IRF3: variants seen among roughly 807,000 people sequenced by gnomAD.
IRF3 encodes the protein interferon regulatory factor 3.
Under a neutral mutation model 43.2 loss-of-function variants are expected in IRF3, and 29 were observed. The ratio of observed to expected loss-of-function variants is 0.67; its 90% confidence interval spans 0.50 to 0.91. The LOEUF is 0.91. Ranked by LOEUF, IRF3 falls within the 40% of genes least tolerant of loss-of-function variation. The pLI, the probability that IRF3 is intolerant of heterozygous loss-of-function variation, is 0.00. For missense variants in IRF3, 505 were observed against 559.1 expected (o/e 0.90, Z 0.98); for synonymous variants, 228 against 233.9 (o/e 0.97, Z 0.23).
intron 7 of IRF3, 147 bp from the exon 8 acceptor site, chr19:49,659,980 G>C (rs2081209779): frequency 2.8e-6 from 1 of 360,404 alleles, no homozygotes; most frequent in Non-Finnish European, 4.5e-6. Flanking sequence ...GGGAGTTGTA[G>C]TTTTACACAC....
chr19:49,662,733 AG>A (rs2081395486), intron 4 of IRF3, 116 bp from the exon 5 acceptor site: 1 of 825,306 alleles, frequency 1.2e-6, no homozygotes, highest in Non-Finnish European at 1.9e-6. Context: ...TCTGCCTTCA[AG>A]GGGCTTCCAG....
At chr19:49,660,029 C>CACACACACACACACACACACACA (rs1568452113) in intron 7 of IRF3, among the ~76,000 whole-genome samples, 196 bp from the exon 8 acceptor site, 2 of 48,556 alleles carry the variant, frequency 4.1e-5, no homozygotes, top group African/African-American at 3.8e-4. Flanking sequence ...ACACACACAC[C>CACACACACACACACACACACACA]CCCTGCTGTA....
Position 49,659,742 on chromosome 19 carries a change from T to C in IRF3, c.1190A>G (p.Asn397Ser), listed in dbSNP as rs372996527. The change falls in exon 8 of 8, where the codon AAC becomes AGC. Residue 397 changes from asparagine (N) to serine (S), a missense_variant. Coordinates refer to ENST00000377139, the MANE Select transcript of IRF3 (RefSeq NM_001571.6). ...LENTVDLHIS[N>S]SHPLSLTSDQ... ...GGAGGTGAGGGAGAGTGGGTGGCTG[T>C]TGGAAATGTGCAGGTCCACAGTATT... The C allele has an allele frequency of 5.0e-6, 8 of 1,613,752 alleles. No homozygotes were observed. The highest frequency in any genetic ancestry group is 1.3e-5 in the African/African-American group (1 of 74,896).
At chr19:49,664,112 C>T (rs2122691187) in intron 2 of IRF3, among the ~76,000 whole-genome samples, 1 of 152,294 alleles carries the variant, frequency 6.6e-6, no homozygotes, top group East Asian at 1.9e-4. Context: ...GCGATCCTCC[C>T]GCCTTGGCCT....
At position 49,661,949 on chromosome 19, in the gene IRF3, T is replaced by G. The variant is rs2081350261; in HGVS notation, c.981A>C (p.Val327=). The G allele has an allele frequency of 6.2e-7, 1 of 1,604,152 alleles. No individual in the cohort carries two copies. The highest frequency in any genetic ancestry group is 8.5e-7 in the Non-Finnish European group (1 of 1,173,582). The change falls in exon 6 of 8, where the codon GTA becomes GTC. Residue 327 remains valine, a splice_region_variant and synonymous_variant. Transcript: ENST00000377139. ...GGVFDLGPFI[V]DLITFTEGSG... ...GGTCGAAGCCCCTGTCTCACTCACC[T>G]ACAATGAAGGGCCCCAGGTCAAACA...
chr19:49,664,234 C>T (rs1175279242), intron 2 of IRF3, among the ~76,000 whole-genome samples: 1 of 152,138 alleles, frequency 6.6e-6, no homozygotes, highest in East Asian at 1.9e-4. Context: ...CACCACCTGC[C>T]CCGCGACACC....
At chr19:49,659,856 A>G (rs1205170027) in intron 7 of IRF3, 23 bp from the exon 8 acceptor site, 1 of 1,554,938 alleles carries the variant, frequency 6.4e-7, no homozygotes, top group South Asian at 1.2e-5. Flanking sequence ...TGGGGACAGG[A>G]GTCAGGGAAA....
chr19:49,660,126 G>A (rs1394849806), intron 7 of IRF3, among the ~76,000 whole-genome samples: 1 of 148,988 alleles, frequency 6.7e-6, no homozygotes, highest in Non-Finnish European at 1.5e-5. Context: ...GGGCTGAGCA[G>A]TCTGTGATCT....
chr19:49,664,585 A>T, intron 2 of IRF3, 89 bp downstream of exon 2: 1 of 1,415,588 alleles, frequency 7.1e-7, no homozygotes, highest in Non-Finnish European at 9.4e-7. Context: ...CTCGCGCGCC[A>T]CCTCCGCCTT....
At chr19:49,664,647 T>A in intron 2 of IRF3, 27 bp downstream of exon 2, 1 of 1,610,346 alleles carries the variant, frequency 6.2e-7, no homozygotes. Context: ...GCTCCGGGTT[T>A]CCAGCGTCCC....
intron 4 of IRF3, 50 bp downstream of exon 4, chr19:49,663,138 A>T: frequency 6.7e-7 from 1 of 1,499,638 alleles, no homozygotes; most frequent in East Asian, 2.3e-5. Flanking sequence ...GACAAGGCCC[A>T]TGGAGACAGG....
At chr19:49,664,187 C>G (rs1230665521) in intron 2 of IRF3, among the ~76,000 whole-genome samples, 1 of 152,168 alleles carries the variant, frequency 6.6e-6, no homozygotes, top group Non-Finnish European at 1.5e-5. Context: ...TCTTTCTAAG[C>G]CAGGCTTCCA....
intron 2 of IRF3, 72 bp downstream of exon 2, chr19:49,664,602 C>G: frequency 6.2e-7 from 1 of 1,611,656 alleles, no homozygotes; most frequent in Non-Finnish European, 8.5e-7. Flanking sequence ...CCTTCTCAGC[C>G]GGGCCCACTA....
rs36205680 is a variant in IRF3, at chr19:49,660,002, C to T, written c.1099-169G>A. 8.9e-4 allele frequency among the ~76,000 whole-genome samples: 104 copies of T among 116,988 alleles called. 2 individuals are homozygous for T. The highest frequency in any genetic ancestry group is 3.6e-3 in the Admixed American group (44 of 12,134). The allele number at this position is 116,988 out of a possible 152,430, so 76.7% of individuals were successfully genotyped here. A position where few individuals can be genotyped will look rare whatever the true frequency, so the allele number is the denominator to read the frequency against. On this transcript the variant is annotated intron_variant, in intron 7 of 7. Coordinates refer to ENST00000377139, the MANE Select transcript of IRF3 (RefSeq NM_001571.6). The stretch of plus-strand genomic sequence containing the variant: ...GTAGTTTTACACACACACACACACA[C>T]ACACACACACACACACACACACACA...
chr19:49,659,572 T>A lies in IRF3; in HGVS notation c.*76A>T, dbSNP rs772830437. ...CCCAACACCAGACACGCACAAGTGA[T>A]CATAGCAGGAACCAGTTTATTGGTT... On this transcript the variant is annotated 3_prime_UTR_variant, in exon 8 of 8. Transcript: ENST00000377139. 3.2e-6 allele frequency: 5 copies of A among 1,543,902 alleles called. No individual in the cohort carries two copies. In the South Asian group the frequency reaches 3.6e-5, roughly 11 times the overall value.
chr19:49,660,255 T>A (rs2081260837), intron 7 of IRF3, among the ~76,000 whole-genome samples: 1 of 152,124 alleles, frequency 6.6e-6, no homozygotes, highest in Non-Finnish European at 1.5e-5. Context: ...GGGACCAGGT[T>A]GCACAGCAGG....
intron 2 of IRF3, 157 bp downstream of exon 2, chr19:49,664,517 G>C: frequency 6.3e-7 from 1 of 1,581,340 alleles, no homozygotes. Flanking sequence ...CAGCGGATCC[G>C]GCTAGCCCCG....
At chr19:49,660,093 A>AACAC (rs140415851) in intron 7 of IRF3, among the ~76,000 whole-genome samples, 3 of 130,590 alleles carry the variant, frequency 2.3e-5, no homozygotes, top group Admixed American at 7.5e-5. Flanking sequence ...CACACACACA[A>AACAC]ACACACACAC....
chr19:49,662,026 T>C lies in IRF3; in HGVS notation c.904A>G (p.Asn302Asp). The C allele has an allele frequency of 6.2e-7, 1 of 1,614,098 alleles. No individual in the cohort carries two copies. Among genetic ancestry groups the C allele is most frequent in the Non-Finnish European group, 8.5e-7 (1 of 1,179,974 alleles). The change falls in exon 6 of 8, where the codon AAC becomes GAC. Residue 302 changes from asparagine to aspartate, a missense_variant. Asn to Asp is a conservative substitution (Grantham distance 23). Transcript: ENST00000377139. ...YWAVSEELLP[N>D]SGHGPDGEVP... ...TCGCCATCAGGCCCATGCCCGCTGT[T>C]GGGGAGCAGCTCCTCGCTCACTGCC...
Sources: gnomAD v4.1 joint callset for allele counts (sites outside exome capture counted in the v4.1 genomes callset) on GRCh38, gnomAD v4.1.1 for gene constraint, MANE v1.5 for transcripts, NCBI Gene and HGNC (gene_info 2026-07-23, HGNC 2026-07-21) for gene names.